NCKAP5: variants seen among roughly 807,000 people sequenced by gnomAD.
NCKAP5 encodes the protein nck-associated protein 5.
In NCKAP5, 92 loss-of-function variants were observed where a neutral mutation model predicts 167.0. That is an observed-to-expected ratio of 0.55 (90% confidence interval 0.47 to 0.66). The LOEUF is 0.66. NCKAP5 is among the 30% of genes least tolerant of loss of function. The pLI is 0.00. For synonymous variants in NCKAP5, 891 were observed against 877.4 expected (o/e 1.02, Z -0.27); for missense variants, 2,378 against 2,315.0 (o/e 1.03, Z -0.56).
intron 3 of NCKAP5, among the ~76,000 whole-genome samples, chr2:133,387,705 C>A (rs1574856043): frequency 1.3e-5 from 2 of 152,188 alleles, no homozygotes; most frequent in South Asian, 4.1e-4. Flanking sequence ...TTGGTCTTTT[C>A]AAATGGTCCC....
rs1423328571 is a variant in NCKAP5 at position 133,174,897 on chromosome 2, C to T, written c.207+38819G>A. On this transcript the variant is annotated intron_variant, in intron 5 of 19. Transcript: ENST00000409261. ...GCATCATGAGGGTAGATCCCTAAAC[C>T]GAGACTGCCAAGTCCAAAGATGTAG... is the stretch of plus-strand genomic sequence containing the variant. Among the ~76,000 whole-genome samples the T allele has an allele frequency of 5.9e-5, 9 of 152,080 alleles. No individual in the cohort carries two copies. In the South Asian group the frequency reaches 1.9e-3, roughly 32 times the overall value.
At chr2:132,982,880 T>C (rs1573630901) in intron 7 of NCKAP5, among the ~76,000 whole-genome samples, 1 of 152,320 alleles carries the variant, frequency 6.6e-6, no homozygotes, top group East Asian at 1.9e-4. Context: ...TATTCTGTGG[T>C]GTATATATAC....
chr2:133,103,290 G>A (rs1260329272), intron 6 of NCKAP5, among the ~76,000 whole-genome samples: 2 of 152,146 alleles, frequency 1.3e-5, no homozygotes, highest in Non-Finnish European at 2.9e-5. Context: ...TAGGGCAGTG[G>A]TTAAGAATGA....
chr2:132,987,463 A>C (rs2077321665), intron 7 of NCKAP5, among the ~76,000 whole-genome samples: 1 of 152,210 alleles, frequency 6.6e-6, no homozygotes, highest in East Asian at 1.9e-4. Context: ...CCCCATGCTT[A>C]ATTACATCTA....
chr2:133,458,780 C>T (rs2151223034), intron 3 of NCKAP5, among the ~76,000 whole-genome samples: 1 of 152,164 alleles, frequency 6.6e-6, no homozygotes, highest in East Asian at 1.9e-4. Flanking sequence ...GATAAGGACT[C>T]TCGGGGTTTA....
chr2:133,643,820 A>G, the NCKAP5 span, among the ~76,000 whole-genome samples: 1 of 152,190 alleles, frequency 6.6e-6, no homozygotes. Context: ...GACAGGTGCA[A>G]TTCTTGAAAG....
At chr2:133,264,910 A>T (rs991521147) in intron 4 of NCKAP5, 6 of 152,242 alleles carry the variant, frequency 3.9e-5, no homozygotes, top group African/African-American at 1.4e-4. Flanking sequence ...CAAAAAACAA[A>T]CAAAACCCCC....
chr2:133,530,062 T>C (rs1685238320), intron 2 of NCKAP5, among the ~76,000 whole-genome samples: 1 of 152,210 alleles, frequency 6.6e-6, no homozygotes, highest in Non-Finnish European at 1.5e-5. Flanking sequence ...TTTCCATATG[T>C]CTTCCTAATA....
chr2:133,268,004 T>G (rs2089323502), intron 4 of NCKAP5, among the ~76,000 whole-genome samples: 1 of 152,252 alleles, frequency 6.6e-6, no homozygotes, highest in African/African-American at 2.4e-5. Flanking sequence ...TGCTGGGAAA[T>G]GTCCAATTAC....
At chr2:133,134,624 T>C (rs1259577757) in intron 5 of NCKAP5, among the ~76,000 whole-genome samples, 3 of 152,206 alleles carry the variant, frequency 2.0e-5, no homozygotes, top group Non-Finnish European at 4.4e-5. Flanking sequence ...GAATCAAACA[T>C]ACAAAGAGAA....
At chr2:133,189,294 A>C (rs2085097324) in intron 5 of NCKAP5, among the ~76,000 whole-genome samples, 1 of 151,264 alleles carries the variant, frequency 6.6e-6, no homozygotes. Context: ...AATAATTAAT[A>C]GCCTACCAAC....
At chr2:133,029,377 A>C (rs1281494670) in intron 6 of NCKAP5, among the ~76,000 whole-genome samples, 2 of 152,172 alleles carry the variant, frequency 1.3e-5, no homozygotes, top group African/African-American at 4.8e-5. Context: ...CACAGAGTTA[A>C]AGTAACTTGC....
chr2:133,315,326 A>G (rs973647733), intron 3 of NCKAP5, among the ~76,000 whole-genome samples: 1 of 152,208 alleles, frequency 6.6e-6, no homozygotes, highest in African/African-American at 2.4e-5. Context: ...TGATGGATTC[A>G]ATGTGGGATA....
Position 133,171,251 on chromosome 2 carries a change from A to G in NCKAP5, c.208-41140T>C, listed in dbSNP as rs2084237399. 2.0e-5 allele frequency among the ~76,000 whole-genome samples: 3 copies of G among 152,206 alleles called. No homozygotes were observed. In the South Asian group the frequency reaches 6.2e-4, roughly 32 times the overall value. ...GTTGTTTTTGTGGAATGATAAAGAG[A>G]AGTAGGCCATTACATGCTTAATTAA... On this transcript the variant is annotated intron_variant, in intron 5 of 19. Coordinates refer to ENST00000409261, the MANE Select transcript of NCKAP5 (RefSeq NM_207363.3).
At chr2:133,541,978 T>G (rs571508231) in intron 2 of NCKAP5, among the ~76,000 whole-genome samples, 1 of 152,194 alleles carries the variant, frequency 6.6e-6, no homozygotes, top group East Asian at 1.9e-4. Flanking sequence ...AATGGAAGGG[T>G]TTGCACGGGA....
At chr2:133,344,139 G>A (rs556123318) in intron 3 of NCKAP5, among the ~76,000 whole-genome samples, 3 of 152,128 alleles carry the variant, frequency 2.0e-5, no homozygotes, top group Admixed American at 6.5e-5. Flanking sequence ...CAGTCACAGC[G>A]GCTCATGCCT....
chr2:133,620,746 T>TA, the NCKAP5 span, among the ~76,000 whole-genome samples: 1 of 152,120 alleles, frequency 6.6e-6, no homozygotes, highest in South Asian at 2.1e-4. Flanking sequence ...ACAATGGACT[T>TA]AAACTATACC....
chr2:132,860,366 A>C, intron 11 of NCKAP5, 126 bp downstream of exon 11: 1 of 1,122,208 alleles, frequency 8.9e-7, no homozygotes, highest in South Asian at 1.7e-5. Flanking sequence ...TAACTTGAGA[A>C]AGGAAAGAAT....
intron 2 of NCKAP5, among the ~76,000 whole-genome samples, chr2:133,531,484 C>G (rs1685360791): frequency 1.3e-5 from 2 of 150,136 alleles, no homozygotes; most frequent in Admixed American, 1.3e-4. Flanking sequence ...TCTGAGCACT[C>G]TTTCTGGTTC....
Sources: gnomAD v4.1 joint callset for allele counts (sites outside exome capture counted in the v4.1 genomes callset) on GRCh38, gnomAD v4.1.1 for gene constraint, MANE v1.5 for transcripts, NCBI Gene and HGNC (gene_info 2026-07-23, HGNC 2026-07-21) for gene names.